Variants in TAFA5 observed in about 807,000 individuals in gnomAD.
The protein encoded by TAFA5 is TAFA chemokine like family member 5, also known as chemokine-like protein TAFA-5.
In TAFA5, 6 loss-of-function variants were observed where a neutral mutation model predicts 15.3. The observed-to-expected ratio is 0.39, with a 90% CI of 0.21 to 0.77. The LOEUF is 0.77. TAFA5 is among the 30% of genes least tolerant of loss of function. TAFA5 has a pLI of 0.41. For missense variants in TAFA5, 161 were observed against 193.1 expected, an observed-to-expected ratio of 0.83 and a Z score of 0.98; for synonymous variants, 103 against 80.7, an observed-to-expected ratio of 1.28 and a Z score of -1.48.
At chr22:48,525,519 A>G (rs1601848160) in intron 1 of TAFA5, among the ~76,000 whole-genome samples, 3 of 150,948 alleles carry the variant, frequency 2.0e-5, no homozygotes, top group East Asian at 4.1e-4. Context: ...TCCCGGCTGA[A>G]CCTCTGCCCA....
At chr22:48,595,212 CAG>C (rs1293087442) in intron 1 of TAFA5, among the ~76,000 whole-genome samples, 3 of 152,210 alleles carry the variant, frequency 2.0e-5, no homozygotes, top group Admixed American at 1.3e-4. Flanking sequence ...CCCACCTACT[CAG>C]GGGATGTGCA....
At chr22:48,655,485 C>T (rs1439777009) in intron 2 of TAFA5, among the ~76,000 whole-genome samples, 1 of 152,144 alleles carries the variant, frequency 6.6e-6, no homozygotes, top group Non-Finnish European at 1.5e-5. Flanking sequence ...AGGCAGAACG[C>T]TCCATCCTCA....
intron 3 of TAFA5, among the ~76,000 whole-genome samples, chr22:48,712,606 C>T (rs130161): frequency 0.71 from 107,753 of 152,078 alleles, 38,369 homozygotes; most frequent in Admixed American, 0.76. Context: ...TGGAGAGAAA[C>T]TGACCTCTGC....
intron 1 of TAFA5, among the ~76,000 whole-genome samples, chr22:48,626,479 AT>A (rs1255553242): frequency 2.0e-5 from 3 of 152,080 alleles, no homozygotes; most frequent in Non-Finnish European, 4.4e-5. Context: ...CATATTTGCC[AT>A]TTTTTTGGTG....
chr22:48,704,261 A>G (rs1357675350), intron 2 of TAFA5, among the ~76,000 whole-genome samples: 2 of 152,018 alleles, frequency 1.3e-5, no homozygotes, highest in Non-Finnish European at 2.9e-5. Flanking sequence ...TTTCTCAGGC[A>G]TTGCAAGGGG....
chr22:48,679,604 GGGCTCCCCGTCCATCCCTCTCCC>G (rs1928106476), intron 2 of TAFA5, among the ~76,000 whole-genome samples: 3 of 20,484 alleles, frequency 1.5e-4, no homozygotes, highest in African/African-American at 5.8e-4. Flanking sequence ...ATCCCTCTCC[GGGCTCCCCGTCCATCCCTCTCCC>G]GGCTCCCCGT....
In TAFA5 at chr22:48,689,442, G is replaced by T. The variant is rs998773578; in HGVS notation, c.263-18275G>T. Among the ~76,000 whole-genome samples the T allele has an allele frequency of 6.3e-4, 96 of 152,268 alleles. 1 individual carries two copies. The highest frequency in any genetic ancestry group is 4.6e-4 in the Non-Finnish European group (31 of 68,028). ...TTGGGACACGTTCACCCCAGAAAAGGCCAGCCTGTACCCTCAGACCCAGGG... is the reference window on the plus strand; with the variant it reads ...TTGGGACACGTTCACCCCAGAAAAGTCCAGCCTGTACCCTCAGACCCAGGG... On this transcript the variant is annotated intron_variant, in intron 2 of 3. Transcript: ENST00000402357.
At chr22:48,655,556 C>T (rs1215376347) in intron 2 of TAFA5, among the ~76,000 whole-genome samples, 1 of 152,168 alleles carries the variant, frequency 6.6e-6, no homozygotes, top group Admixed American at 6.5e-5. Context: ...CCTTTTACAG[C>T]ATTATCTCTC....
At chr22:48,508,288 G>A (rs1364722521) in intron 1 of TAFA5, among the ~76,000 whole-genome samples, 1 of 152,200 alleles carries the variant, frequency 6.6e-6, no homozygotes, top group African/African-American at 2.4e-5. Context: ...CCCAGGGTAG[G>A]CTAGAGAGTA....
At chr22:48,669,164 G>A (rs1927721579) in intron 2 of TAFA5, among the ~76,000 whole-genome samples, 1 of 152,212 alleles carries the variant, frequency 6.6e-6, no homozygotes, top group Non-Finnish European at 1.5e-5. Context: ...CTTGATCTCA[G>A]ACTTTCCAGT....
intron 2 of TAFA5, among the ~76,000 whole-genome samples, chr22:48,699,238 C>T (rs132225): frequency 0.57 from 86,996 of 151,984 alleles, 25,114 homozygotes; most frequent in African/African-American, 0.62. Context: ...CTGCTGACAA[C>T]GCCTTTTAAG....
intron 3 of TAFA5, among the ~76,000 whole-genome samples, chr22:48,716,103 A>G (rs1929393966): frequency 6.6e-6 from 1 of 152,146 alleles, no homozygotes; most frequent in South Asian, 2.1e-4. Context: ...TCATTGGTCT[A>G]TATATCTGTT....
At chr22:48,587,833 G>T (rs1924417453) in intron 1 of TAFA5, among the ~76,000 whole-genome samples, 1 of 152,244 alleles carries the variant, frequency 6.6e-6, no homozygotes, top group Admixed American at 6.5e-5. Flanking sequence ...GGTTCGGAAG[G>T]CCTGGAGCTT....
At chr22:48,614,547 G>A (rs943313328) in intron 1 of TAFA5, among the ~76,000 whole-genome samples, 5 of 152,176 alleles carry the variant, frequency 3.3e-5, no homozygotes, top group African/African-American at 1.2e-4. Flanking sequence ...GGAGACAAGT[G>A]CCCTCCCCCA....
intron 1 of TAFA5, among the ~76,000 whole-genome samples, chr22:48,585,984 C>A (rs779046944): frequency 1.3e-5 from 2 of 152,258 alleles, no homozygotes; most frequent in Non-Finnish European, 2.9e-5. Flanking sequence ...ACCCCGTGGG[C>A]CCAGCCTGGC....
intron 1 of TAFA5, among the ~76,000 whole-genome samples, chr22:48,590,218 C>T (rs1020580179): frequency 3.3e-5 from 5 of 152,160 alleles, no homozygotes; most frequent in African/African-American, 1.2e-4. Flanking sequence ...AAAGAAGAAG[C>T]TGGTTTTCCC....
intron 2 of TAFA5, among the ~76,000 whole-genome samples, chr22:48,701,633 C>T (rs1296527489): frequency 6.6e-6 from 1 of 152,232 alleles, no homozygotes; most frequent in Non-Finnish European, 1.5e-5. Context: ...GCAAGTTGGA[C>T]TTTCGGCAAA....
chr22:48,576,040 C>CA (rs1569031181), intron 1 of TAFA5, among the ~76,000 whole-genome samples: 1 of 20,902 alleles, frequency 4.8e-5, no homozygotes, highest in Non-Finnish European at 1.3e-4. Context: ...CCGCGCCGGA[C>CA]CCCCCCCCCC....
At chr22:48,735,835 C>G (rs1272033636) in intron 3 of TAFA5, among the ~76,000 whole-genome samples, 7 of 131,972 alleles carry the variant, frequency 5.3e-5, no homozygotes, top group African/African-American at 2.2e-4. Flanking sequence ...TCCATCCCCC[C>G]AGGAGGAATG....
Sources: allele counts gnomAD v4.1 joint callset (sites outside exome capture counted in the v4.1 genomes callset), GRCh38; gene constraint gnomAD v4.1.1; transcripts MANE v1.5; gene names NCBI Gene and HGNC (gene_info 2026-07-23, HGNC 2026-07-21).